Variants in PSD3 observed in about 807,000 individuals in gnomAD.
The protein encoded by PSD3 is pleckstrin and Sec7 domain containing 3.
A neutral mutation model predicts 105.5 loss-of-function variants in PSD3; 49 were observed. The observed-to-expected ratio is 0.46, with a 90% confidence interval of 0.37 to 0.59. The LOEUF (loss-of-function observed/expected upper bound fraction) is 0.59, where lower values mean the gene tolerates loss of function less well. PSD3 is among the 20% of genes least tolerant of loss of function. The pLI, the probability that PSD3 is intolerant of heterozygous loss-of-function variation, is 0.00. For synonymous variants in PSD3, 557 were observed against 457.8 expected (o/e 1.22, Z -2.77); for missense variants, 1,561 against 1,263.8 (o/e 1.24, Z -3.57).
intron 9 of PSD3, among the ~76,000 whole-genome samples, chr8:18,758,974 C>T (rs1806282861): frequency 6.6e-6 from 1 of 152,008 alleles, no homozygotes; most frequent in African/African-American, 2.4e-5. Context: ...GACTATGTAA[C>T]AATTTAATTC....
At chr8:18,652,434 G>C (rs1402707760) in intron 10 of PSD3, among the ~76,000 whole-genome samples, 1 of 150,332 alleles carries the variant, frequency 6.7e-6, no homozygotes, top group African/African-American at 2.4e-5. Context: ...AAACGGGAGA[G>C]CACAGTGTTA....
intron 12 of PSD3, among the ~76,000 whole-genome samples, chr8:18,592,264 A>C (rs529155469): frequency 6.6e-6 from 1 of 152,302 alleles, no homozygotes; most frequent in East Asian, 1.9e-4. Flanking sequence ...TGAGAGGCTC[A>C]AGAGCAGAAA....
chr8:18,946,676 G>C (rs1231532821), intron 1 of PSD3, among the ~76,000 whole-genome samples: 1 of 151,976 alleles, frequency 6.6e-6, no homozygotes, highest in East Asian at 1.9e-4. Flanking sequence ...GAGGTGGGTG[G>C]ATCACCTGAG....
intron 4 of PSD3, among the ~76,000 whole-genome samples, chr8:18,835,084 C>T (rs1009915611): frequency 2.0e-5 from 3 of 151,974 alleles, no homozygotes; most frequent in African/African-American, 7.3e-5. Context: ...GTCAAGTATG[C>T]GAAGAAATAC....
At chr8:18,563,958 C>A (rs1801568238) in intron 14 of PSD3, among the ~76,000 whole-genome samples, 1 of 152,224 alleles carries the variant, frequency 6.6e-6, no homozygotes, top group East Asian at 1.9e-4. Context: ...GGCAAGATGA[C>A]CCACTGCAAA....
At chr8:18,659,511 G>T (rs1034487504) in intron 9 of PSD3, among the ~76,000 whole-genome samples, 16 of 152,246 alleles carry the variant, frequency 1.1e-4, no homozygotes, top group African/African-American at 3.9e-4. Context: ...ACTGACTCAA[G>T]TAAATAACAC....
intron 2 of PSD3, among the ~76,000 whole-genome samples, chr8:18,909,357 C>T (rs1019079115): frequency 2.6e-5 from 4 of 152,114 alleles, no homozygotes; most frequent in Admixed American, 1.3e-4. Context: ...AATATATGAA[C>T]GGTATAGGCA....
chr8:18,834,877 G>C (rs368682788), intron 4 of PSD3, among the ~76,000 whole-genome samples: 1 of 152,120 alleles, frequency 6.6e-6, no homozygotes, highest in African/African-American at 2.4e-5. Context: ...AATTCAAGTA[G>C]GTTTACAGTC....
At chr8:18,703,910 A>T (rs765368650) in intron 9 of PSD3, among the ~76,000 whole-genome samples, 3 of 152,190 alleles carry the variant, frequency 2.0e-5, no homozygotes, top group Non-Finnish European at 4.4e-5. Context: ...CCCTGAAACT[A>T]CTGCAGCATC....
intron 2 of PSD3, among the ~76,000 whole-genome samples, chr8:18,913,656 G>A (rs1212909057): frequency 6.6e-6 from 1 of 152,124 alleles, no homozygotes; most frequent in Non-Finnish European, 1.5e-5. Context: ...TCTCCAGGCA[G>A]GACCAGTGCC....
At chr8:18,781,666 G>A (rs76704985) in intron 8 of PSD3, among the ~76,000 whole-genome samples, 3,855 of 152,196 alleles carry the variant, frequency 0.025, 163 homozygotes, top group East Asian at 0.14. Flanking sequence ...GTTCGACTAT[G>A]AAGTGGCATG....
rs138289933 is a variant in PSD3, at chr8:18,660,651, C to T, written c.2173-4966G>A. ...AAAACACTGATTATTGTGCCCTGTC[C>T]TAGATCTACCACATCAGCTCCTTGG... On this transcript the variant is annotated intron_variant, in intron 9 of 15. Coordinates refer to ENST00000327040, the MANE Select transcript of PSD3 (RefSeq NM_015310.4). Among the ~76,000 whole-genome samples the T allele has an allele frequency of 2.5e-3, 379 of 152,272 alleles. 2 individuals carry two copies. Among genetic ancestry groups the T allele is most frequent in the Non-Finnish European group, 4.5e-3 (304 of 68,020 alleles).
intron 9 of PSD3, among the ~76,000 whole-genome samples, chr8:18,713,130 T>C (rs1802358620): frequency 6.6e-6 from 1 of 152,136 alleles, no homozygotes; most frequent in Non-Finnish European, 1.5e-5. Context: ...TGAAGGAACG[T>C]ACCTCAAAAC....
Position 18,535,781 on chromosome 8 carries a change from G to A in PSD3, c.3106C>T (p.Arg1036Ter), listed in dbSNP as rs1585190031. The A allele has an allele frequency of 4.3e-6, 7 of 1,613,864 alleles. No homozygotes were observed. The highest frequency in any genetic ancestry group is 4.0e-5 in the African/African-American group (3 of 74,882). ...TGCTTAATGCTTGGTGTTTCAGGTC[G>A]GTGATCCTTCCTCTCTGACACGTTA... ...KRNVSERKDH[R>*]PETPSIKQKV... The change falls in exon 16 of 16, where the codon CGA (arginine) becomes TGA (stop). Residue 1036 changes from arginine to a stop codon, truncating the protein, a stop_gained. Coordinates refer to ENST00000327040, the MANE Select transcript of PSD3 (RefSeq NM_015310.4). LOFTEE classifies it high-confidence loss of function.
At chr8:19,080,556 A>G (rs976318905) in intron 1 of PSD3, among the ~76,000 whole-genome samples, 6 of 152,142 alleles carry the variant, frequency 3.9e-5, no homozygotes, top group African/African-American at 1.4e-4. Flanking sequence ...TTGCATTTCC[A>G]TTGATTAGGT....
chr8:18,978,566 T>A (rs1372170503), intron 1 of PSD3, among the ~76,000 whole-genome samples: 3 of 152,196 alleles, frequency 2.0e-5, no homozygotes, highest in Non-Finnish European at 4.4e-5. Context: ...CATCTATGGT[T>A]GGACTGGACT....
intron 1 of PSD3, among the ~76,000 whole-genome samples, chr8:19,070,967 C>G (rs1829236306): frequency 6.6e-6 from 1 of 152,090 alleles, no homozygotes; most frequent in African/African-American, 2.4e-5. Context: ...TTTTTAAACC[C>G]TCTTCAAAGA....
At chr8:18,540,357 T>C (rs573954325) in intron 15 of PSD3, among the ~76,000 whole-genome samples, 35 of 152,338 alleles carry the variant, frequency 2.3e-4, no homozygotes, top group African/African-American at 1.4e-4. Flanking sequence ...ATTTGCTTTA[T>C]TGCAATACTC....
Position 18,535,894 on chromosome 8 carries a change from T to C in PSD3, c.2993A>G (p.Asp998Gly), listed in dbSNP as rs140588593. Reference sequence around the variant, plus strand: ...CTTCAGTCCTGCAGCCTCGCTTTCATCGTTACTCAGTAGCTCTTTGCCTCC... The same window carrying C: ...CTTCAGTCCTGCAGCCTCGCTTTCACCGTTACTCAGTAGCTCTTTGCCTCC... ...KEGGKELLSNDESEAAGLKKS... is the reference protein window; with the variant it reads ...KEGGKELLSNGESEAAGLKKS... Residue 998 changes from aspartate (D) to glycine (G), a missense_variant, in exon 16 of 16, where the codon GAT becomes GGT. Asp to Gly is a moderately conservative substitution (Grantham distance 94, BLOSUM62 -1). Coordinates refer to ENST00000327040, the MANE Select transcript of PSD3 (RefSeq NM_015310.4). 2 of 1,614,220 alleles carry C rather than the reference T, an allele frequency of 1.2e-6. No homozygotes were observed. Among genetic ancestry groups the C allele is most frequent in the African/African-American group, 2.7e-5 (2 of 75,062 alleles).
Sources: allele counts gnomAD v4.1 joint callset (sites outside exome capture counted in the v4.1 genomes callset), GRCh38; gene constraint gnomAD v4.1.1; transcripts MANE v1.5; gene names NCBI Gene and HGNC (gene_info 2026-07-23, HGNC 2026-07-21).